The following VAV2 variants were observed in gnomAD, a reference collection of about 807,000 sequenced individuals.
The protein encoded by VAV2 is guanine nucleotide exchange factor VAV2.
In VAV2, 67 loss-of-function variants were observed where a neutral mutation model predicts 132.5. The observed-to-expected ratio is 0.51, with a 90% CI of 0.42 to 0.62. VAV2 has a LOEUF of 0.62. Ranked by LOEUF, VAV2 falls within the 20% of genes least tolerant of loss-of-function variation. The probability of loss-of-function intolerance (pLI) is 0.00; values close to 1 mark genes in which losing one functional copy is unlikely to be tolerated. For synonymous variants in VAV2, 492 were observed against 443.5 expected (o/e 1.11, Z -1.37); for missense variants, 938 against 1,153.6 (o/e 0.81, Z 2.71).
At chr9:133,906,295 G>A (rs961373339) in intron 2 of VAV2, among the ~76,000 whole-genome samples, 14 of 152,208 alleles carry the variant, frequency 9.2e-5, no homozygotes, top group Non-Finnish European at 2.1e-4. Context: ...TTCCACGAGG[G>A]GACCTCTATT....
chr9:133,856,636 C>T (rs991565600), intron 3 of VAV2, among the ~76,000 whole-genome samples: 54 of 152,172 alleles, frequency 3.5e-4, no homozygotes, highest in African/African-American at 1.3e-3. Flanking sequence ...AACACAGACT[C>T]TTACAGTTCA....
At chr9:133,980,717 C>T (rs1231736989) in intron 1 of VAV2, among the ~76,000 whole-genome samples, 2 of 152,202 alleles carry the variant, frequency 1.3e-5, no homozygotes, top group Non-Finnish European at 2.9e-5. Flanking sequence ...GAGCGGCAGC[C>T]GCTGCCTTAT....
In VAV2 at chr9:133,834,202, C is replaced by T. The variant is rs1315361397; in HGVS notation, c.449+70G>A. ...GTGGCCGCCATGTTTCCTCCTGACT[C>T]CCTGGACACCACCAGGAACCTCCCT... On this transcript the variant is annotated intron_variant, in intron 4 of 29. Transcript: ENST00000371850. The surrounding 1 kb of genome is among the most constrained non-coding windows in gnomAD (Gnocchi z 5.9). 1 of 1,529,054 alleles carries T rather than the reference C, an allele frequency of 6.5e-7. No homozygotes were observed. The highest frequency in any genetic ancestry group is 8.9e-7 in the Non-Finnish European group (1 of 1,126,534). 94.7% of individuals were successfully genotyped at this position (1,529,054 alleles called of 1,614,324 possible).
intron 3 of VAV2, among the ~76,000 whole-genome samples, chr9:133,842,439 C>A (rs557760795): frequency 6.6e-6 from 1 of 152,360 alleles, no homozygotes; most frequent in Admixed American, 6.5e-5. Context: ...CCTAAGGGAG[C>A]GCCCTCGGCC....
Position 133,883,157 on chromosome 9 carries a change from T to C in VAV2, c.322-21725A>G, listed in dbSNP as rs180974719. On this transcript the variant is annotated intron_variant, in intron 2 of 29. Coordinates refer to ENST00000371850, the MANE Select transcript of VAV2 (RefSeq NM_001134398.2). This position sits in a 1 kb window ranked among gnomAD's most constrained non-coding sequence, Gnocchi z 4.2. ...TAATTGGCATGGAAAGTCAAGTCCC[T>C]GAGCCTGCAAAAGACTCGGCTGTCC... Among the ~76,000 whole-genome samples the C allele has an allele frequency of 5.1e-3, 777 of 152,332 alleles. 6 individuals are homozygous for C. Among genetic ancestry groups the C allele is most frequent in the African/African-American group, 0.018 (742 of 41,568 alleles).
intron 1 of VAV2, among the ~76,000 whole-genome samples, chr9:133,988,907 A>T (rs1029932039): frequency 1.3e-5 from 2 of 152,214 alleles, no homozygotes; most frequent in East Asian, 3.8e-4. Flanking sequence ...CTCTACTAAA[A>T]ATACAAAAAA....
rs780571195 is a variant in VAV2, at chr9:133,772,076, C to CGTGAGGGCCACACGGCCCCGGCGGTCACT, written c.2136-31_2136-30insAGTGACCGCCGGGGCCGTGTGGCCCTCAC. The CGTGAGGGCCACACGGCCCCGGCGGTCACT allele has an allele frequency of 4.6e-5, 67 of 1,455,210 alleles. 2 individuals are homozygous for CGTGAGGGCCACACGGCCCCGGCGGTCACT. The highest frequency in any genetic ancestry group is 1.9e-4 in the South Asian group (16 of 85,818). The allele number at this position is 1,455,210 out of a possible 1,614,324, so 90.1% of individuals were successfully genotyped here. On this transcript the variant is annotated intron_variant, in intron 25 of 29. Coordinates refer to ENST00000371850, the MANE Select transcript of VAV2 (RefSeq NM_001134398.2). ...GCAAACACACGGCCCCGGCGGTCAC[C>CGTGAGGGCCACACGGCCCCGGCGGTCACT]GCGTGAGGGCCACACGGCCCCGGCC...
At chr9:133,911,085 G>A (rs1197507998) in intron 2 of VAV2, among the ~76,000 whole-genome samples, 7 of 152,172 alleles carry the variant, frequency 4.6e-5, no homozygotes, top group South Asian at 2.1e-4. Flanking sequence ...GGCCGGGCAC[G>A]CCCCTTCTTG....
rs539114631 is a variant in VAV2 at position 133,863,018 on chromosome 9, A to G, written c.322-1586T>C. ...AGGGTCCTTCTGTGCTTCCTCACAC[A>G]AGACTCGATGGGCCCATTATGCGGC... On this transcript the variant is annotated intron_variant, in intron 2 of 29. Transcript: ENST00000371850. The surrounding 1 kb of genome is among the most constrained non-coding windows in gnomAD (Gnocchi z 5.0). 6.6e-6 allele frequency among the ~76,000 whole-genome samples: 1 copy of G among 152,080 alleles called. No individual in the cohort carries two copies. Among genetic ancestry groups the G allele is most frequent in the South Asian group, 2.1e-4 (1 of 4,830 alleles).
rs560181221 is a variant in VAV2, at chr9:133,881,993, G to A, written c.322-20561C>T. Among the ~76,000 whole-genome samples the A allele has an allele frequency of 2.2e-4, 34 of 152,296 alleles. No homozygotes were observed. In the East Asian group the frequency reaches 3.9e-3, roughly 17 times the overall value. On this transcript the variant is annotated intron_variant, in intron 2 of 29. Coordinates refer to ENST00000371850, the MANE Select transcript of VAV2 (RefSeq NM_001134398.2). Reference sequence around the variant, plus strand: ...AGTGTGCGGGGCTACAAAGGAGGGCGTCAAGGTTTCAACCTAGTCTCCACT... The same window carrying A: ...AGTGTGCGGGGCTACAAAGGAGGGCATCAAGGTTTCAACCTAGTCTCCACT...
intron 2 of VAV2, among the ~76,000 whole-genome samples, chr9:133,905,780 T>C (rs1196306784): frequency 6.6e-6 from 1 of 152,056 alleles, no homozygotes; most frequent in African/African-American, 2.4e-5. Flanking sequence ...CACACGCCTG[T>C]AATCCCAGCA....
intron 5 of VAV2, among the ~76,000 whole-genome samples, chr9:133,811,084 C>T (rs541907944): frequency 2.0e-5 from 3 of 152,344 alleles, no homozygotes; most frequent in South Asian, 2.1e-4. Context: ...CCAGGCTCCC[C>T]GGGAAGGCAA....
rs1837547766 is a variant in VAV2, at chr9:133,860,345, AC to A, written c.380+1028del. On this transcript the variant is annotated intron_variant, in intron 3 of 29. Transcript: ENST00000371850. ...ATCCTATATTTCACATTTTTTAAAA[AC>A]CTCAATTCAAAGGAATTTCTGTGTC... Among the ~76,000 whole-genome samples the A allele has an allele frequency of 7.9e-5, 12 of 152,136 alleles. No homozygotes were observed. The South Asian group carries it at 2.5e-3, about 32-fold the overall frequency.
rs546589630 is a variant in VAV2, at chr9:133,935,814, C to G, written c.321+3289G>C. On this transcript the variant is annotated intron_variant, in intron 2 of 29. Coordinates refer to ENST00000371850, the MANE Select transcript of VAV2 (RefSeq NM_001134398.2). The surrounding 1 kb of genome is among the most constrained non-coding windows in gnomAD (Gnocchi z 5.2). ...CAGGGCTGGCGGGGCCGAGGCCAGG[C>G]CCACGCTGAAGGGCAAGTGCGGGTT... 7.9e-5 allele frequency among the ~76,000 whole-genome samples: 12 copies of G among 152,270 alleles called. No homozygotes were observed. The highest frequency in any genetic ancestry group is 5.8e-4 in the East Asian group (3 of 5,164).
chr9:133,980,809 C>A (rs774691049), intron 1 of VAV2, among the ~76,000 whole-genome samples: 5 of 152,130 alleles, frequency 3.3e-5, no homozygotes, highest in Non-Finnish European at 5.9e-5. Context: ...AACTGCAACA[C>A]CCCTTCCAGC....
intron 16 of VAV2, among the ~76,000 whole-genome samples, chr9:133,786,884 G>A (rs1834248109): frequency 6.6e-6 from 1 of 152,184 alleles, no homozygotes; most frequent in South Asian, 2.1e-4. Context: ...GGGGATGGGA[G>A]GAGGAAAGAA....
chr9:133,981,014 G>A (rs943019545), intron 1 of VAV2, among the ~76,000 whole-genome samples: 4 of 152,284 alleles, frequency 2.6e-5, no homozygotes, highest in South Asian at 2.1e-4. Context: ...CTCATTTGCT[G>A]AGGACTAGCA....
rs150341697 is a variant in VAV2 at position 133,879,280 on chromosome 9, G to A, written c.322-17848C>T. Among the ~76,000 whole-genome samples the A allele has an allele frequency of 5.3e-3, 814 of 152,188 alleles. 8 individuals are homozygous for A. Among genetic ancestry groups the A allele is most frequent in the African/African-American group, 0.019 (774 of 41,534 alleles). The stretch of plus-strand genomic sequence containing the variant: ...CTGCTGCGTACCAAGCACTGTGCTA[G>A]GGTGACCTCTGGAGCTCCAAGGAAC... On this transcript the variant is annotated intron_variant, in intron 2 of 29. Coordinates refer to ENST00000371850, the MANE Select transcript of VAV2 (RefSeq NM_001134398.2). This position sits in a 1 kb window ranked among gnomAD's most constrained non-coding sequence, Gnocchi z 4.4.
At chr9:133,954,675 G>C (rs1841687785) in intron 1 of VAV2, among the ~76,000 whole-genome samples, 1 of 152,256 alleles carries the variant, frequency 6.6e-6, no homozygotes, top group Non-Finnish European at 1.5e-5. Flanking sequence ...TGTGATGTGT[G>C]TGTCCTCATG....
Sources: gnomAD v4.1 joint callset for allele counts (sites outside exome capture counted in the v4.1 genomes callset) on GRCh38, gnomAD v4.1.1 for gene constraint, Gnocchi (gnomAD v3.1) non-coding constraint, MANE v1.5 for transcripts, NCBI Gene and HGNC (gene_info 2026-07-23, HGNC 2026-07-21) for gene names.